The following GRID2 variants were observed in gnomAD, a reference collection of about 807,000 sequenced individuals.
GRID2 encodes glutamate ionotropic receptor delta type subunit 2, also known as glutamate receptor ionotropic, delta-2.
GRID2 carries 33 observed loss-of-function variants against 114.8 expected under a neutral mutation model. That is an observed-to-expected ratio of 0.29 (90% CI 0.22 to 0.38). GRID2 has a LOEUF of 0.38. GRID2 is among the 10% of genes least tolerant of loss of function. The pLI, the probability that GRID2 is intolerant of heterozygous loss-of-function variation, is 1.00. For synonymous variants in GRID2, 505 were observed against 449.9 expected (o/e 1.12, Z -1.55); for missense variants, 1,184 against 1,257.7 (o/e 0.94, Z 0.89).
intron 2 of GRID2, among the ~76,000 whole-genome samples, chr4:92,781,718 A>T (rs1388755816): frequency 2.6e-5 from 4 of 151,956 alleles, no homozygotes; most frequent in Non-Finnish European, 4.4e-5. Flanking sequence ...CTATTGAGGG[A>T]TTCTAATATT....
chr4:92,741,139 T>C (rs1253327398), intron 2 of GRID2, among the ~76,000 whole-genome samples: 2 of 152,176 alleles, frequency 1.3e-5, no homozygotes, highest in South Asian at 2.1e-4. Context: ...AAATTACGTC[T>C]CTTACTTTGG....
At chr4:93,293,841 C>T (rs1436325679) in intron 8 of GRID2, among the ~76,000 whole-genome samples, 1 of 152,098 alleles carries the variant, frequency 6.6e-6, no homozygotes, top group Non-Finnish European at 1.5e-5. Context: ...CTACTATGTG[C>T]CAGGCACTGT....
intron 2 of GRID2, among the ~76,000 whole-genome samples, chr4:92,624,443 G>A (rs1011922484): frequency 5.3e-5 from 8 of 151,862 alleles, no homozygotes; most frequent in Non-Finnish European, 1.2e-4. Flanking sequence ...ATCACTGGAT[G>A]TAAAGTGATT....
chr4:92,925,289 A>G (rs1013633450), intron 2 of GRID2, among the ~76,000 whole-genome samples: 1 of 152,058 alleles, frequency 6.6e-6, no homozygotes, highest in Admixed American at 6.6e-5. Flanking sequence ...TTTCTGTGTC[A>G]AGGTTAAAGA....
At chr4:92,918,130 A>C (rs192881255) in intron 2 of GRID2, among the ~76,000 whole-genome samples, 1 of 152,142 alleles carries the variant, frequency 6.6e-6, no homozygotes, top group Admixed American at 6.5e-5. Flanking sequence ...GTGGGAGTTC[A>C]CTCATGATTT....
chr4:92,797,310 A>G (rs1233097595), intron 2 of GRID2, among the ~76,000 whole-genome samples: 1 of 152,028 alleles, frequency 6.6e-6, no homozygotes, highest in Non-Finnish European at 1.5e-5. Context: ...TCATGTAGAA[A>G]CAATGATCAT....
intron 1 of GRID2, among the ~76,000 whole-genome samples, chr4:93,792,487 T>C (rs1460935680): frequency 6.6e-6 from 1 of 152,138 alleles, no homozygotes; most frequent in Non-Finnish European, 1.5e-5. Context: ...AAATTATGAA[T>C]TGACCATTTT....
intron 13 of GRID2, among the ~76,000 whole-genome samples, chr4:93,522,678 C>T (rs907857191): frequency 1.1e-4 from 17 of 152,014 alleles, no homozygotes; most frequent in African/African-American, 2.9e-4. Flanking sequence ...CAATGCATTG[C>T]GGGCCTAGAT....
chr4:93,643,182 C>G lies in GRID2; in HGVS notation c.2360+16747C>G, dbSNP rs1240100069. ...GCTCCATCAGCTCCTTTAAGCACTT[C>G]TCTGTATTGGTTATTCTAGTTATAC... On this transcript the variant is annotated intron_variant, in intron 14 of 15. Coordinates refer to ENST00000282020, the MANE Select transcript of GRID2 (RefSeq NM_001510.4). 5.5e-5 allele frequency among the ~76,000 whole-genome samples: 2 copies of G among 36,234 alleles called. 1 individual carries two copies. The highest frequency in any genetic ancestry group is 8.9e-5 in the Non-Finnish European group (2 of 22,348). 23.8% of individuals were successfully genotyped at this position (36,234 alleles called of 152,430 possible). A position where few individuals can be genotyped will look rare whatever the true frequency, so the allele number is the denominator to read the frequency against.
intron 11 of GRID2, among the ~76,000 whole-genome samples, chr4:93,479,950 A>C (rs1725688340): frequency 1.3e-5 from 2 of 152,100 alleles, no homozygotes; most frequent in South Asian, 4.1e-4. Context: ...TCAATAAATC[A>C]TGTTATAAAA....
intron 1 of GRID2, among the ~76,000 whole-genome samples, chr4:92,487,498 A>G (rs1001897024): frequency 8.6e-5 from 13 of 152,040 alleles, no homozygotes; most frequent in African/African-American, 3.1e-4. Flanking sequence ...TTTTTGAAAG[A>G]TATTTCCACT....
At chr4:93,598,797 TA>T (rs1739372616) in intron 13 of GRID2, among the ~76,000 whole-genome samples, 2 of 152,212 alleles carry the variant, frequency 1.3e-5, no homozygotes, top group South Asian at 4.1e-4. Context: ...TTCTATGTTT[TA>T]TTCAGACAAA....
intron 3 of GRID2, among the ~76,000 whole-genome samples, chr4:93,096,912 C>G (rs545089634): frequency 7.9e-5 from 12 of 152,044 alleles, no homozygotes; most frequent in African/African-American, 2.4e-4. Context: ...AACTCTAATG[C>G]CCATCATTTT....
intron 2 of GRID2, among the ~76,000 whole-genome samples, chr4:92,852,302 C>T (rs1453698259): frequency 6.6e-6 from 1 of 151,708 alleles, no homozygotes; most frequent in Non-Finnish European, 1.5e-5. Flanking sequence ...CCAGCCAGTT[C>T]CAGTCTTTTC....
chr4:93,336,708 T>G (rs984802469), intron 8 of GRID2, among the ~76,000 whole-genome samples: 1 of 152,140 alleles, frequency 6.6e-6, no homozygotes, highest in Non-Finnish European at 1.5e-5. Flanking sequence ...CTCCTGGTAT[T>G]GTCCAAGAAA....
chr4:92,457,501 G>C (rs951394861), intron 1 of GRID2, among the ~76,000 whole-genome samples: 2 of 152,076 alleles, frequency 1.3e-5, no homozygotes, highest in African/African-American at 4.8e-5. Context: ...AAAGATGTAG[G>C]CTTCATCTAC....
chr4:92,817,253 A>G (rs1740974929), intron 2 of GRID2, among the ~76,000 whole-genome samples: 1 of 152,078 alleles, frequency 6.6e-6, no homozygotes, highest in South Asian at 2.1e-4. Flanking sequence ...GGCTTAATTC[A>G]TTTAGTTTTT....
chr4:92,388,753 AT>A (rs1489673975), intron 1 of GRID2, among the ~76,000 whole-genome samples: 1 of 152,026 alleles, frequency 6.6e-6, no homozygotes, highest in Non-Finnish European at 1.5e-5. Flanking sequence ...GTGTTTGTGT[AT>A]ATATATGAAA....
At chr4:93,744,624 C>T (rs1354496450) in intron 14 of GRID2, among the ~76,000 whole-genome samples, 2 of 152,150 alleles carry the variant, frequency 1.3e-5, no homozygotes, top group Non-Finnish European at 1.5e-5. Context: ...ATAGAAGCTA[C>T]TCCTGGTGAA....
Sources: allele counts gnomAD v4.1 joint callset (sites outside exome capture counted in the v4.1 genomes callset), GRCh38; gene constraint gnomAD v4.1.1; transcripts MANE v1.5; gene names NCBI Gene and HGNC (gene_info 2026-07-23, HGNC 2026-07-21).